ZNF706: variants seen among roughly 807,000 people sequenced by gnomAD.
The protein encoded by ZNF706 is transcriptional regulator ZNF706.
A neutral mutation model predicts 9.2 loss-of-function variants in ZNF706; 4 were observed. The ratio of observed to expected loss-of-function variants is 0.43; its 90% confidence interval spans 0.21 to 0.99. The LOEUF is 0.99. Among genes scored for constraint, ZNF706 ranks in the 50% least tolerant of loss-of-function variants. ZNF706 has a pLI of 0.26. For synonymous variants in ZNF706, 28 were observed against 27.3 expected (o/e 1.03, Z -0.08); for missense variants, 27 against 87.8 (o/e 0.31, Z 2.77).
rs1458832837 is a variant in ZNF706, at chr8:101,199,976, A to G, written c.*12+14T>C. The G allele has an allele frequency of 1.9e-6, 3 of 1,574,168 alleles. No homozygotes were observed. The highest frequency in any genetic ancestry group is 2.6e-6 in the Non-Finnish European group (3 of 1,146,098). On this transcript the variant is annotated intron_variant, in intron 3 of 3. Transcript: ENST00000311212. Reference sequence around the variant, plus strand: ...CCTGTTATTAACAAACCAATAGAAAAAGAGGTGAGTTACCTGTAAACAACC... The same window carrying G: ...CCTGTTATTAACAAACCAATAGAAAGAGAGGTGAGTTACCTGTAAACAACC...
Position 101,199,125 on chromosome 8 carries a change from G to C in ZNF706, c.*127C>G, listed in dbSNP as rs1016938783. On this transcript the variant is annotated 3_prime_UTR_variant, in exon 4 of 4. Transcript: ENST00000311212. The stretch of plus-strand genomic sequence containing the variant: ...GCCCAAGAGGGAACAGCATAAAAAT[G>C]AGTGTTTCTGTAGCCCCTTTATTTT... 3.1e-6 allele frequency: 2 copies of C among 648,822 alleles called. No homozygotes were observed. The highest frequency in any genetic ancestry group is 3.6e-5 in the African/African-American group (2 of 55,286). The allele number at this position is 648,822 out of a possible 1,614,324, so 40.2% of individuals were successfully genotyped here. A position where few individuals can be genotyped will look rare whatever the true frequency, so the allele number is the denominator to read the frequency against.
In ZNF706 at chr8:101,203,175, A is replaced by C. The variant is rs796125347; in HGVS notation, c.-2-1432T>G. On this transcript the variant is annotated intron_variant, in intron 1 of 3. Transcript: ENST00000311212. ...GTGAACCCAAATGGATTAAAACAAA[A>C]AAAAAAATCAAGTCACTGAAAAAAG... The C allele has an allele frequency of 8.5e-5, 13 of 152,344 alleles. 1 individual carries two copies. The highest frequency in any genetic ancestry group is 3.1e-4 in the African/African-American group (13 of 41,588). The allele number at this position is 152,344 out of a possible 1,614,324, so 9.4% of individuals were successfully genotyped here. A position where few individuals can be genotyped will look rare whatever the true frequency, so the allele number is the denominator to read the frequency against.
At chr8:101,199,336 A>G (rs530836018) in intron 3 of ZNF706, 97 bp from the exon 4 acceptor site, 1 of 676,672 alleles carries the variant, frequency 1.5e-6, no homozygotes, top group African/African-American at 1.8e-5. Context: ...TATGAAGATA[A>G]TATCTGGTAA....
chr8:101,200,382 T>A (rs1165892011), intron 2 of ZNF706: 1 of 245,018 alleles, frequency 4.1e-6, no homozygotes, highest in African/African-American at 2.3e-5. Flanking sequence ...ATATTAAGCA[T>A]GTTACCTTAA....
chr8:101,205,625 C>G lies in ZNF706; in HGVS notation c.-193G>C, dbSNP rs879159613. On this transcript the variant is annotated 5_prime_UTR_variant, in exon 1 of 4. Transcript: ENST00000311212. The surrounding 1 kb of genome is among the most constrained non-coding windows in gnomAD (Gnocchi z 6.6). ...GCCGCCGCCGCGCGCCCGCCGCCGCCTCAGCCTTAGGGGAGACCACTACGC... is the reference window on the plus strand; with the variant it reads ...GCCGCCGCCGCGCGCCCGCCGCCGCGTCAGCCTTAGGGGAGACCACTACGC... The G allele has an allele frequency of 1.5e-4, 24 of 164,784 alleles. 1 individual carries two copies. In the South Asian group the frequency reaches 3.8e-3, roughly 26 times the overall value. 10.2% of individuals were successfully genotyped at this position (164,784 alleles called of 1,614,324 possible). A position where few individuals can be genotyped will look rare whatever the true frequency, so the allele number is the denominator to read the frequency against.
intron 3 of ZNF706, 119 bp from the exon 4 acceptor site, chr8:101,199,358 C>T (rs1376831138): frequency 4.7e-6 from 3 of 632,804 alleles, no homozygotes; most frequent in Admixed American, 2.4e-5. Context: ...CTTGTCAACT[C>T]GACTTTATAT....
intron 1 of ZNF706, chr8:101,204,114 T>C (rs1810663893): frequency 6.6e-6 from 1 of 152,242 alleles, no homozygotes; most frequent in Non-Finnish European, 1.5e-5. Context: ...TCTTGTTTTA[T>C]GTTAAAAAAA....
At chr8:101,204,494 C>G (rs115128789) in intron 1 of ZNF706, 78 of 391,310 alleles carry the variant, frequency 2.0e-4, no homozygotes, top group African/African-American at 1.6e-3. Context: ...TTTCTGAAAG[C>G]AGAAATTCAA....
At position 101,197,234 on chromosome 8, in the gene ZNF706, T is replaced by C. The variant is rs529885861; in HGVS notation, c.*2018A>G. On this transcript the variant is annotated 3_prime_UTR_variant, in exon 4 of 4. Coordinates refer to ENST00000311212, the MANE Select transcript of ZNF706 (RefSeq NM_016096.5). ...ATGGACCAATTCTCTCTCAGTGTTA[T>C]TTTATCAAGTCTTTGAAGACACCAT... The C allele has an allele frequency of 2.0e-5, 3 of 152,212 alleles. No individual in the cohort carries two copies. Among genetic ancestry groups the C allele is most frequent in the Non-Finnish European group, 4.4e-5 (3 of 68,028 alleles). The allele number at this position is 152,212 out of a possible 1,614,324, so 9.4% of individuals were successfully genotyped here.
upstream of ZNF706, chr8:101,206,042 C>T (rs1319730442): frequency 1.3e-5 from 2 of 152,228 alleles, no homozygotes; most frequent in Non-Finnish European, 2.9e-5. Flanking sequence ...GCGCTGCGAC[C>T]CTTTTCCCGC....
In ZNF706 at chr8:101,201,580, T is replaced by A; in HGVS notation, c.135+27A>T. 6.2e-7 allele frequency: 1 copy of A among 1,602,912 alleles called. No homozygotes were observed. ...AAGCCAAAACTGCCCACGGGAGAGC[T>A]GTATCTTTCAATTCAATTCCCCTTA... is the stretch of plus-strand genomic sequence containing the variant. On this transcript the variant is annotated intron_variant, in intron 2 of 3. Coordinates refer to ENST00000311212, the MANE Select transcript of ZNF706 (RefSeq NM_016096.5). This position sits in a 1 kb window ranked among gnomAD's most constrained non-coding sequence, Gnocchi z 4.5.
At position 101,205,494 on chromosome 8, in the gene ZNF706, C is replaced by G. The variant is rs1017191647; in HGVS notation, c.-62G>C. 1 of 154,572 alleles carries G rather than the reference C, an allele frequency of 6.5e-6. No individual in the cohort carries two copies. The highest frequency in any genetic ancestry group is 2.4e-5 in the African/African-American group (1 of 41,402). The allele number at this position is 154,572 out of a possible 1,614,324, so 9.6% of individuals were successfully genotyped here. The stretch of plus-strand genomic sequence containing the variant: ...GCAGCGCGAGAGGGCCGGGAGAGGA[C>G]GCCGGAGGGAAAGGAAGGGGGAGCG... On this transcript the variant is annotated 5_prime_UTR_variant, in exon 1 of 4. Transcript: ENST00000311212. This position sits in a 1 kb window ranked among gnomAD's most constrained non-coding sequence, Gnocchi z 6.6.
chr8:101,204,705 G>C, intron 1 of ZNF706: 1 of 985,478 alleles, frequency 1.0e-6, no homozygotes, highest in Non-Finnish European at 1.2e-6. Context: ...TGCAAAGAGG[G>C]AAGTAGTGGA....
At chr8:101,204,594 C>G in intron 1 of ZNF706, 4 of 984,116 alleles carry the variant, frequency 4.1e-6, no homozygotes, top group Non-Finnish European at 4.8e-6. Context: ...CAGCTACAAC[C>G]GCTCCTTGAT....
chr8:101,203,532 T>A (rs1234620418), intron 1 of ZNF706: 2 of 152,044 alleles, frequency 1.3e-5, no homozygotes, highest in East Asian at 3.9e-4. Context: ...ACTAAAAAAA[T>A]ACACTGATTG....
rs1312915376 is a variant in ZNF706, at chr8:101,197,827, A to G, written c.*1425T>C. On this transcript the variant is annotated 3_prime_UTR_variant, in exon 4 of 4. Coordinates refer to ENST00000311212, the MANE Select transcript of ZNF706 (RefSeq NM_016096.5). ...TATCAGCCCTGAAGCTTTTCCTTGGAAACGTCTTAAACTTACAGGGAAGAC... is the reference window on the plus strand; with the variant it reads ...TATCAGCCCTGAAGCTTTTCCTTGGGAACGTCTTAAACTTACAGGGAAGAC... The G allele has an allele frequency of 6.6e-6, 1 of 152,206 alleles. No homozygotes were observed. Among genetic ancestry groups the G allele is most frequent in the Non-Finnish European group, 1.5e-5 (1 of 68,018 alleles). The allele number at this position is 152,206 out of a possible 1,614,324, so 9.4% of individuals were successfully genotyped here.
rs1274782345 is a variant in ZNF706, at chr8:101,201,953, T to C, written c.-2-210A>G. ...AAAACTAGTTGGTAGCTGTTTATTC[T>C]ATGAGCCAGCAATTCCACTCTTGGT... is the stretch of plus-strand genomic sequence containing the variant. On this transcript the variant is annotated intron_variant, in intron 1 of 3. Coordinates refer to ENST00000311212, the MANE Select transcript of ZNF706 (RefSeq NM_016096.5). This position sits in a 1 kb window ranked among gnomAD's most constrained non-coding sequence, Gnocchi z 4.5. Among the ~76,000 whole-genome samples the C allele has an allele frequency of 6.6e-6, 1 of 152,176 alleles. No individual in the cohort carries two copies. Among genetic ancestry groups the C allele is most frequent in the Non-Finnish European group, 1.5e-5 (1 of 68,030 alleles).
At position 101,197,739 on chromosome 8, in the gene ZNF706, A is replaced by G. The variant is rs910530921; in HGVS notation, c.*1513T>C. The G allele has an allele frequency of 2.0e-5, 3 of 152,234 alleles. No homozygotes were observed. The highest frequency in any genetic ancestry group is 4.4e-5 in the Non-Finnish European group (3 of 68,036). 9.4% of individuals were successfully genotyped at this position (152,234 alleles called of 1,614,324 possible). ...TATTACATCTGAAACTTAGGAAATA[A>G]AATACACAAAATAAAAGGACTATTT... On this transcript the variant is annotated 3_prime_UTR_variant, in exon 4 of 4. Transcript: ENST00000311212.
At chr8:101,204,811 G>A in intron 1 of ZNF706, 2 of 985,420 alleles carry the variant, frequency 2.0e-6, no homozygotes, top group Non-Finnish European at 2.4e-6. Flanking sequence ...AGTAACAGAA[G>A]AAAAGGATTT....
Sources: gnomAD v4.1 joint callset for allele counts (sites outside exome capture counted in the v4.1 genomes callset) on GRCh38, gnomAD v4.1.1 for gene constraint, Gnocchi (gnomAD v3.1) non-coding constraint, MANE v1.5 for transcripts, NCBI Gene and HGNC (gene_info 2026-07-23, HGNC 2026-07-21) for gene names.